CCDC158: variants seen among roughly 807,000 people sequenced by gnomAD.
CCDC158 encodes the protein coiled-coil domain-containing protein 158.
A neutral mutation model predicts 138.6 loss-of-function variants in CCDC158; 116 were observed. The ratio of observed to expected loss-of-function variants is 0.84; its 90% CI spans 0.72 to 0.98. The LOEUF is 0.98. Ranked by LOEUF, CCDC158 falls within the 50% of genes least tolerant of loss-of-function variation. The pLI is 0.00. For missense variants in CCDC158, 1,265 were observed against 1,306.1 expected (o/e 0.97, Z 0.48); for synonymous variants, 436 against 442.4 (o/e 0.99, Z 0.18).
At chr4:76,369,708 T>C in intron 10 of CCDC158, 85 bp from the exon 11 acceptor site, 2 of 1,184,240 alleles carry the variant, frequency 1.7e-6, no homozygotes, top group Non-Finnish European at 2.4e-6. Context: ...TATTTGGAGT[T>C]TTTATGTGAT....
At chr4:76,384,019 A>C in intron 6 of CCDC158, 69 bp downstream of exon 6, 1 of 1,119,954 alleles carries the variant, frequency 8.9e-7, no homozygotes, top group Non-Finnish European at 1.2e-6. Context: ...TTTAAAAATT[A>C]TACATCTAAT....
Position 76,367,292 on chromosome 4 carries a change from A to G in CCDC158, c.1830+2T>C. On this transcript the variant is annotated splice_donor_variant, in intron 12 of 24. Transcript: ENST00000682701. LOFTEE classifies it high-confidence loss of function. ...GTTAAATCACAAAAAAACTCTACAGACCTTAAGTTCCTTTAGTTCCATCCG... is the reference window on the plus strand; with the variant it reads ...GTTAAATCACAAAAAAACTCTACAGGCCTTAAGTTCCTTTAGTTCCATCCG... The G allele has an allele frequency of 6.2e-7, 1 of 1,606,330 alleles. No homozygotes were observed. Among genetic ancestry groups the G allele is most frequent in the South Asian group, 1.1e-5 (1 of 90,228 alleles).
chr4:76,369,104 A>G (rs934431263), intron 11 of CCDC158, among the ~76,000 whole-genome samples: 3 of 152,030 alleles, frequency 2.0e-5, no homozygotes, highest in Admixed American at 1.3e-4. Flanking sequence ...AATCCCAGCT[A>G]CTTGGGAGGC....
chr4:76,368,819 A>C (rs1724939416), intron 11 of CCDC158, among the ~76,000 whole-genome samples: 1 of 152,226 alleles, frequency 6.6e-6, no homozygotes, highest in South Asian at 2.1e-4. Context: ...AGCAATTATT[A>C]GGTTACCAAT....
At chr4:76,381,941 A>G (rs975061718) in intron 8 of CCDC158, among the ~76,000 whole-genome samples, 6 of 150,910 alleles carry the variant, frequency 4.0e-5, no homozygotes, top group African/African-American at 1.5e-4. Flanking sequence ...TCAGCCTCCC[A>G]AAGTGCTGGG....
chr4:76,354,209 A>C (rs1460510315), intron 15 of CCDC158, among the ~76,000 whole-genome samples: 1 of 148,272 alleles, frequency 6.7e-6, no homozygotes, highest in Non-Finnish European at 1.5e-5. Flanking sequence ...AGGAAGGATA[A>C]GCACTGCTTT....
chr4:76,329,401 G>A (rs1720818935), intron 21 of CCDC158, among the ~76,000 whole-genome samples: 1 of 152,018 alleles, frequency 6.6e-6, no homozygotes, highest in Admixed American at 6.6e-5. Flanking sequence ...TGGCCAACAT[G>A]GTGAAACCCC....
Position 76,323,422 on chromosome 4 carries a change from T to C in CCDC158, c.3170-13A>G. The C allele has an allele frequency of 6.3e-7, 1 of 1,577,110 alleles. No homozygotes were observed. The highest frequency in any genetic ancestry group is 8.7e-7 in the Non-Finnish European group (1 of 1,152,652). ...GGAGACTGTGAATCTATTAGAAAAT[T>C]GCTTAGATGTGATATTAAAAGTCTA... On this transcript the variant is annotated splice_polypyrimidine_tract_variant and intron_variant, in intron 23 of 24. Transcript: ENST00000682701.
chr4:76,320,167 A>G (rs569654798), intron 24 of CCDC158, among the ~76,000 whole-genome samples: 132 of 152,334 alleles, frequency 8.7e-4, no homozygotes, highest in African/African-American at 3.1e-3. Flanking sequence ...CTTGGTATCA[A>G]TTCAAGAACC....
chr4:76,420,015 T>C (rs1729984647), intron 1 of CCDC158, among the ~76,000 whole-genome samples: 1 of 150,430 alleles, frequency 6.6e-6, no homozygotes, highest in Non-Finnish European at 1.5e-5. Context: ...TACAAATAAA[T>C]TGCTGTCCTC....
At chr4:76,331,692 A>G (rs1427229537) in intron 20 of CCDC158, among the ~76,000 whole-genome samples, 2 of 151,748 alleles carry the variant, frequency 1.3e-5, no homozygotes, top group Admixed American at 1.3e-4. Context: ...AACTTTTGGG[A>G]ATCAGGAGGA....
In CCDC158 at chr4:76,356,400, A is replaced by G. The variant is rs537565732; in HGVS notation, c.2174-964T>C. 8.5e-5 allele frequency among the ~76,000 whole-genome samples: 13 copies of G among 152,174 alleles called. 1 individual carries two copies. In the South Asian group the frequency reaches 2.3e-3, roughly 27 times the overall value. ...TTTTTTTTTATTTTAAGCTGATTTAATAAATAGAAACAAGAATTTGAATGA... is the reference window on the plus strand; with the variant it reads ...TTTTTTTTTATTTTAAGCTGATTTAGTAAATAGAAACAAGAATTTGAATGA... On this transcript the variant is annotated intron_variant, in intron 14 of 24. Coordinates refer to ENST00000682701, the MANE Select transcript of CCDC158 (RefSeq NM_001394954.1).
intron 14 of CCDC158, among the ~76,000 whole-genome samples, chr4:76,355,798 CGTGTGTGTGTGT>C (rs71212417): frequency 2.1e-5 from 3 of 145,496 alleles, no homozygotes; most frequent in Non-Finnish European, 4.5e-5. Context: ...AATATATGTA[CGTGTGTGTGTGT>C]GTGTGTGTGT....
chr4:76,374,108 T>A (rs9307119), intron 9 of CCDC158, among the ~76,000 whole-genome samples: 4,460 of 152,130 alleles, frequency 0.029, 217 homozygotes, highest in African/African-American at 0.1. Context: ...ATGAGTCATG[T>A]TCGTGCCACT....
intron 9 of CCDC158, among the ~76,000 whole-genome samples, chr4:76,379,076 A>G (rs554397905): frequency 1.9e-4 from 29 of 151,684 alleles, no homozygotes; most frequent in African/African-American, 7.1e-4. Context: ...ACTATGCAAA[A>G]AATTTTGCTA....
chr4:76,364,773 T>A (rs372976090), intron 12 of CCDC158, among the ~76,000 whole-genome samples: 1 of 152,232 alleles, frequency 6.6e-6, no homozygotes, highest in Non-Finnish European at 1.5e-5. Context: ...TCCTGGCAGA[T>A]GCAATTTGAC....
In CCDC158 at chr4:76,353,122, C is replaced by A; in HGVS notation, c.2445+1G>T. On this transcript the variant is annotated splice_donor_variant, in intron 16 of 24. Coordinates refer to ENST00000682701, the MANE Select transcript of CCDC158 (RefSeq NM_001394954.1). LOFTEE classifies it high-confidence loss of function. ...ACTTCATATGTTTAGTTAATAATTA[C>A]CTTATCCAGAGCCACTTCCATATTA... The A allele has an allele frequency of 6.2e-7, 1 of 1,607,762 alleles. No homozygotes were observed. The highest frequency in any genetic ancestry group is 8.5e-7 in the Non-Finnish European group (1 of 1,177,462).
At chr4:76,367,238 C>A in intron 12 of CCDC158, 56 bp downstream of exon 12, 1 of 1,562,282 alleles carries the variant, frequency 6.4e-7, no homozygotes, top group Admixed American at 1.8e-5. Context: ...CAGTACAGGT[C>A]ATACCTGCTA....
intron 9 of CCDC158, among the ~76,000 whole-genome samples, chr4:76,378,967 G>T (rs1469374784): frequency 6.6e-6 from 1 of 152,114 alleles, no homozygotes; most frequent in Non-Finnish European, 1.5e-5. Context: ...TTGAGTAGCA[G>T]GGGGATCTGG....
Sources: gnomAD v4.1 joint callset for allele counts (sites outside exome capture counted in the v4.1 genomes callset) on GRCh38, gnomAD v4.1.1 for gene constraint, MANE v1.5 for transcripts, NCBI Gene and HGNC (gene_info 2026-07-23, HGNC 2026-07-21) for gene names.